Variants in ZFP36L2 observed in about 807,000 individuals in gnomAD.
The protein encoded by ZFP36L2 is ZFP36 like 2 zinc finger CCCH-type, also known as mRNA decay activator protein ZFP36L2.
In ZFP36L2, 16 loss-of-function variants were observed where a neutral mutation model predicts 27.9. That is an observed-to-expected ratio of 0.57 (90% CI 0.39 to 0.87). ZFP36L2 has a LOEUF of 0.87. ZFP36L2 is among the 40% of genes least tolerant of loss of function. The pLI is 0.00. For missense variants in ZFP36L2, 989 were observed against 726.9 expected (o/e 1.36, Z -4.15); for synonymous variants, 600 against 363.8 (o/e 1.65, Z -7.39).
chr2:43,226,310 C>G lies in ZFP36L2; in HGVS notation c.6G>C (p.Ser2=). The G allele has an allele frequency of 1.3e-6, 2 of 1,584,750 alleles. No homozygotes were observed. Among genetic ancestry groups the G allele is most frequent in the South Asian group, 1.1e-5 (1 of 87,486 alleles). ...CGTAGAAGGCGGACAGAAGTGTGGTCGACATGTTTCTGGATCCCGCAGTGG... is the reference window on the plus strand; with the variant it reads ...CGTAGAAGGCGGACAGAAGTGTGGTGGACATGTTTCTGGATCCCGCAGTGG... M[S]TTLLSAFYDV... is the part of the protein sequence containing the mutation. Residue 2 remains serine (S), a synonymous_variant, in exon 1 of 2, where the codon TCG becomes TCC. Coordinates refer to ENST00000282388, the MANE Select transcript of ZFP36L2 (RefSeq NM_006887.5).
rs908036650 is a variant in ZFP36L2 at position 43,223,099 on chromosome 2, T to G, written c.*1220A>C. 6.6e-6 allele frequency: 1 copy of G among 152,344 alleles called. No individual in the cohort carries two copies. Among genetic ancestry groups the G allele is most frequent in the African/African-American group, 2.4e-5 (1 of 41,446 alleles). 9.4% of individuals were successfully genotyped at this position (152,344 alleles called of 1,614,324 possible). The stretch of plus-strand genomic sequence containing the variant: ...TTTGAAGTTGGATGGGCTACAACCT[T>G]TATACATTCTAAGAAAACTCATAGG... On this transcript the variant is annotated 3_prime_UTR_variant, in exon 2 of 2. Coordinates refer to ENST00000282388, the MANE Select transcript of ZFP36L2 (RefSeq NM_006887.5).
rs1667007290 is a variant in ZFP36L2 at position 43,223,282 on chromosome 2, C to A, written c.*1037G>T. On this transcript the variant is annotated 3_prime_UTR_variant, in exon 2 of 2. Coordinates refer to ENST00000282388, the MANE Select transcript of ZFP36L2 (RefSeq NM_006887.5). ...TTTGTACTCATTTACAATAAAATAA[C>A]CAAGTGAAGTTACAAAAGGCATATA... The A allele has an allele frequency of 6.6e-6, 1 of 152,084 alleles. No homozygotes were observed. Among genetic ancestry groups the A allele is most frequent in the Non-Finnish European group, 1.5e-5 (1 of 67,980 alleles). 9.4% of individuals were successfully genotyped at this position (152,084 alleles called of 1,614,324 possible).
rs1048263875 is a variant in ZFP36L2, at chr2:43,222,545, C to T, written c.*1774G>A. ...TTATCTTGTTACATTCAAAAACCTA[C>T]TTCTGTCCAAAGTAGTCCAGAGAGT... On this transcript the variant is annotated 3_prime_UTR_variant, in exon 2 of 2. Coordinates refer to ENST00000282388, the MANE Select transcript of ZFP36L2 (RefSeq NM_006887.5). The T allele has an allele frequency of 6.6e-6, 1 of 152,338 alleles. No homozygotes were observed. Among genetic ancestry groups the T allele is most frequent in the Admixed American group, 6.5e-5 (1 of 15,290 alleles). The allele number at this position is 152,338 out of a possible 1,614,324, so 9.4% of individuals were successfully genotyped here. A position where few individuals can be genotyped will look rare whatever the true frequency, so the allele number is the denominator to read the frequency against.
chr2:43,224,931 G>GGGC lies in ZFP36L2; in HGVS notation c.870_872dup (p.Pro291dup), dbSNP rs773405349. On this transcript the variant is annotated inframe_insertion, in exon 2 of 2. Coordinates refer to ENST00000282388, the MANE Select transcript of ZFP36L2 (RefSeq NM_006887.5). The stretch of plus-strand genomic sequence containing the variant: ...AGCAGGACGAGGCCGAAGAGCAGGA[G>GGGC]GGCGGCGGCGGCGTGCGCGACGTGG... The GGGC allele has an allele frequency of 1.4e-4, 215 of 1,550,428 alleles. 1 individual carries two copies. The East Asian group carries it at 4.8e-3, about 34-fold the overall frequency.
rs1238436820 is a variant in ZFP36L2, at chr2:43,224,798, C to G, written c.1006G>C (p.Gly336Arg). Residue 336 changes from glycine to arginine, a missense_variant, in exon 2 of 2, where the codon GGC (glycine) becomes CGC (arginine). Coordinates refer to ENST00000282388, the MANE Select transcript of ZFP36L2 (RefSeq NM_006887.5). ...AAAAAAALLY[G>R]TGGAEDLLAP... is the part of the protein sequence containing the mutation. The stretch of plus-strand genomic sequence containing the variant: ...AGCAGGTCCTCGGCGCCCCCGGTGC[C>G]GTACAGCAGAGCGGCCGCAGCCGCG... 2.1e-6 allele frequency: 3 copies of G among 1,432,374 alleles called. No individual in the cohort carries two copies. Among genetic ancestry groups the G allele is most frequent in the East Asian group, 2.9e-5 (1 of 34,000 alleles). The allele number at this position is 1,432,374 out of a possible 1,614,324, so 88.7% of individuals were successfully genotyped here. A position where few individuals can be genotyped will look rare whatever the true frequency, so the allele number is the denominator to read the frequency against.
rs763225227 is a variant in ZFP36L2, at chr2:43,224,724, G to C, written c.1080C>G (p.Asn360Lys). Residue 360 changes from asparagine (N) to lysine (K), a missense_variant, in exon 2 of 2, where the codon AAC becomes AAG. By Grantham distance (94) the Asn-to-Lys change is moderately conservative. Transcript: ENST00000282388. Reference protein sequence around the residue: ...CAACSSASCANNAFAFGPELS... With the variant: ...CAACSSASCAKNAFAFGPELS... ...GCTCCGGACCGAAGGCGAAGGCGTT[G>C]TTGGCGCACGAGGCCGACGAGCAGG... 6 of 1,529,872 alleles carry C rather than the reference G, an allele frequency of 3.9e-6. No homozygotes were observed. In the South Asian group the frequency reaches 7.1e-5, roughly 18 times the overall value. The allele number at this position is 1,529,872 out of a possible 1,614,324, so 94.8% of individuals were successfully genotyped here.
In ZFP36L2 at chr2:43,225,509, C is replaced by A. The variant is rs758642252; in HGVS notation, c.295G>T (p.Gly99Cys). 1.2e-6 allele frequency: 2 copies of A among 1,602,484 alleles called. No homozygotes were observed. The highest frequency in any genetic ancestry group is 1.7e-6 in the Non-Finnish European group (2 of 1,176,644). Residue 99 changes from glycine to cysteine, a missense_variant, in exon 2 of 2, where the codon GGC becomes TGC. Transcript: ENST00000282388. ...SAAAGGPTSY[G>C]TLKEPSGGGG... ...CCCCCCGACGGCTCCTTAAGGGTGC[C>A]GTAGGAGGTCGGACCGCCGGCCGCC...
Position 43,224,266 on chromosome 2 carries a change from C to T in ZFP36L2, c.*53G>A. On this transcript the variant is annotated 3_prime_UTR_variant, in exon 2 of 2. Transcript: ENST00000282388. ...GCAAGGGCGAGATGGCGAGGGGTGTCCTCCAACATCTCTGAACCGCCTTCC... is the reference window on the plus strand; with the variant it reads ...GCAAGGGCGAGATGGCGAGGGGTGTTCTCCAACATCTCTGAACCGCCTTCC... The T allele has an allele frequency of 1.4e-6, 2 of 1,470,128 alleles. No individual in the cohort carries two copies. The highest frequency in any genetic ancestry group is 1.8e-6 in the Non-Finnish European group (2 of 1,111,968). 91.1% of individuals were successfully genotyped at this position (1,470,128 alleles called of 1,614,324 possible).
rs1359671635 is a variant in ZFP36L2, at chr2:43,224,814, C to T, written c.990G>A (p.Ala330=). ...TCCASAAAAA[A]AALLYGTGGA... is the part of the protein sequence containing the mutation. ...CCCCGGTGCCGTACAGCAGAGCGGC[C>T]GCAGCCGCGGCCGCCGCGGAGGCGC... Residue 330 remains alanine, a synonymous_variant, in exon 2 of 2, where the codon GCG becomes GCA. Transcript: ENST00000282388. 2.8e-6 allele frequency: 4 copies of T among 1,421,910 alleles called. No homozygotes were observed. Among genetic ancestry groups the T allele is most frequent in the South Asian group, 1.5e-5 (1 of 68,302 alleles). The allele number at this position is 1,421,910 out of a possible 1,614,324, so 88.1% of individuals were successfully genotyped here. A position where few individuals can be genotyped will look rare whatever the true frequency, so the allele number is the denominator to read the frequency against.
At position 43,226,385 on chromosome 2, in the gene ZFP36L2, C is replaced by G; in HGVS notation, c.-70G>C. The G allele has an allele frequency of 6.5e-7, 1 of 1,538,946 alleles. No homozygotes were observed. Among genetic ancestry groups the G allele is most frequent in the East Asian group, 2.5e-5 (1 of 40,560 alleles). ...GGAGGAGCCCTTGGGGCGGCGTGGC[C>G]GGGCTTGAGCCACGACGAATAACGG... On this transcript the variant is annotated 5_prime_UTR_variant, in exon 1 of 2. Coordinates refer to ENST00000282388, the MANE Select transcript of ZFP36L2 (RefSeq NM_006887.5).
rs750405213 is a variant in ZFP36L2 at position 43,224,552 on chromosome 2, G to A, written c.1252C>T (p.Pro418Ser). The A allele has an allele frequency of 5.7e-6, 8 of 1,413,154 alleles. No homozygotes were observed. The highest frequency in any genetic ancestry group is 2.9e-5 in the Admixed American group (1 of 34,234). 87.5% of individuals were successfully genotyped at this position (1,413,154 alleles called of 1,614,324 possible). ...GAGGGAGGTGCGGCGGCCCCGGCGGGGAGGGTCGCGCTGGGCGGCGCCGGC... is the reference window on the plus strand; with the variant it reads ...GAGGGAGGTGCGGCGGCCCCGGCGGAGAGGGTCGCGCTGGGCGGCGCCGGC... The part of the protein sequence containing the change: ...QPPAPPSATL[P>S]AGAAAPPSPP... The change falls in exon 2 of 2, where the codon CCC (proline) becomes TCC (serine). Residue 418 changes from proline (P) to serine (S), a missense_variant. By Grantham distance (74) the Pro-to-Ser change is moderately conservative. Coordinates refer to ENST00000282388, the MANE Select transcript of ZFP36L2 (RefSeq NM_006887.5).
Position 43,225,360 on chromosome 2 carries a change from C to A in ZFP36L2, c.444G>T (p.Gln148His). ...QQQQKGGGGS[Q>H]INSTRYKTEL... is the part of the protein sequence containing the mutation. ...CGGTCTTGTAGCGCGTGGAGTTGAT[C>A]TGGGAGCCGCCGCCCCCCTTCTGCT... Residue 148 changes from glutamine to histidine, a missense_variant, in exon 2 of 2, where the codon CAG (glutamine) becomes CAT (histidine). Coordinates refer to ENST00000282388, the MANE Select transcript of ZFP36L2 (RefSeq NM_006887.5). 6.2e-7 allele frequency: 1 copy of A among 1,613,484 alleles called. No individual in the cohort carries two copies. The highest frequency in any genetic ancestry group is 8.5e-7 in the Non-Finnish European group (1 of 1,179,986).
In ZFP36L2 at chr2:43,226,515, A is replaced by G. The variant is rs1488635076; in HGVS notation, c.-200T>C. 2.8e-5 allele frequency: 17 copies of G among 608,800 alleles called. No individual in the cohort carries two copies. The highest frequency in any genetic ancestry group is 4.7e-5 in the Non-Finnish European group (17 of 363,914). The allele number at this position is 608,800 out of a possible 1,614,324, so 37.7% of individuals were successfully genotyped here. A position where few individuals can be genotyped will look rare whatever the true frequency, so the allele number is the denominator to read the frequency against. On this transcript the variant is annotated 5_prime_UTR_variant, in exon 1 of 2. Coordinates refer to ENST00000282388, the MANE Select transcript of ZFP36L2 (RefSeq NM_006887.5). ...GTCCGGCGGAGTGCGGCAGGGGGGA[A>G]GGAGAGAAGCGAGGAGCGCTCCTCC...
In ZFP36L2 at chr2:43,226,472, G is replaced by A; in HGVS notation, c.-157C>T. On this transcript the variant is annotated 5_prime_UTR_variant, in exon 1 of 2. Coordinates refer to ENST00000282388, the MANE Select transcript of ZFP36L2 (RefSeq NM_006887.5). ...GCGAGAGGAGAGGGCGAGTGCAGCG[G>A]CGCGGGCCGGCGGGAGGGTCCGGCG... 2.2e-6 allele frequency: 2 copies of A among 913,526 alleles called. No homozygotes were observed. The highest frequency in any genetic ancestry group is 3.3e-6 in the Non-Finnish European group (2 of 599,630). 56.6% of individuals were successfully genotyped at this position (913,526 alleles called of 1,614,324 possible). A position where few individuals can be genotyped will look rare whatever the true frequency, so the allele number is the denominator to read the frequency against.
In ZFP36L2 at chr2:43,224,045, TTG is replaced by T. The variant is rs199657841; in HGVS notation, c.*272_*273del. 3.4e-3 allele frequency: 1,252 copies of T among 363,812 alleles called. 13 individuals carry two copies. Among genetic ancestry groups the T allele is most frequent in the African/African-American group, 0.024 (1,130 of 47,582 alleles). The allele number at this position is 363,812 out of a possible 1,614,324, so 22.5% of individuals were successfully genotyped here. A position where few individuals can be genotyped will look rare whatever the true frequency, so the allele number is the denominator to read the frequency against. On this transcript the variant is annotated 3_prime_UTR_variant, in exon 2 of 2. Coordinates refer to ENST00000282388, the MANE Select transcript of ZFP36L2 (RefSeq NM_006887.5). ...TCACAACTGCCCTGTTGTGAATATT[TTG>T]TTCAACAGAAAAAGTTCGACTTTTT...
In ZFP36L2 at chr2:43,224,520, G is replaced by A. The variant is rs1489645132; in HGVS notation, c.1284C>T (p.Pro428=). ...PAGAAAPPSP[P]FSFQLPRRLS... is the part of the protein sequence containing the mutation. The stretch of plus-strand genomic sequence containing the variant: ...GGCGGCGCGGCAGCTGGAAGCTGAA[G>A]GGCGGCGAGGGAGGTGCGGCGGCCC... Residue 428 remains proline (P), a synonymous_variant, in exon 2 of 2, where the codon CCC becomes CCT. Transcript: ENST00000282388. The A allele has an allele frequency of 3.4e-6, 5 of 1,476,790 alleles. No individual in the cohort carries two copies. The highest frequency in any genetic ancestry group is 3.0e-5 in the East Asian group (1 of 33,542). The allele number at this position is 1,476,790 out of a possible 1,614,324, so 91.5% of individuals were successfully genotyped here.
In ZFP36L2 at chr2:43,224,985, G is replaced by A; in HGVS notation, c.819C>T (p.Gly273=). The A allele has an allele frequency of 6.3e-7, 1 of 1,583,566 alleles. No individual in the cohort carries two copies. The highest frequency in any genetic ancestry group is 8.5e-7 in the Non-Finnish European group (1 of 1,175,320). Residue 273 remains glycine (G), a synonymous_variant, in exon 2 of 2, where the codon GGC becomes GGT. Transcript: ENST00000282388. ...TGTCGAGCAGCAGCGGCGACTCGAGGCCGCCCGGGGGCTGATGGTGGCCCG... is the reference window on the plus strand; with the variant it reads ...TGTCGAGCAGCAGCGGCGACTCGAGACCGCCCGGGGGCTGATGGTGGCCCG... ...FPSGHHQPPG[G]LESPLLLDSP...
In ZFP36L2 at chr2:43,224,931, G is replaced by A. The variant is rs1340165898; in HGVS notation, c.873C>T (p.Pro291=). Residue 291 remains proline, a synonymous_variant, in exon 2 of 2, where the codon CCC becomes CCT. Transcript: ENST00000282388. ...AGCAGGACGAGGCCGAAGAGCAGGA[G>A]GGCGGCGGCGGCGTGCGCGACGTGG... ...DSPTSRTPPP[P]SCSSASSCSS... 3 of 1,550,320 alleles carry A rather than the reference G, an allele frequency of 1.9e-6. No homozygotes were observed. The highest frequency in any genetic ancestry group is 1.2e-5 in the South Asian group (1 of 85,300).
Position 43,225,350 on chromosome 2 carries a change from T to A in ZFP36L2, c.454A>T (p.Thr152Ser). ...CGGCACAGCTCGGTCTTGTAGCGCGTGGAGTTGATCTGGGAGCCGCCGCCC... is the reference window on the plus strand; with the variant it reads ...CGGCACAGCTCGGTCTTGTAGCGCGAGGAGTTGATCTGGGAGCCGCCGCCC... ...KGGGGSQINS[T>S]RYKTELCRPF... is the part of the protein sequence containing the mutation. Residue 152 changes from threonine (T) to serine (S), a missense_variant, in exon 2 of 2, where the codon ACG (threonine) becomes TCG (serine). Transcript: ENST00000282388. 1 of 1,613,442 alleles carries A rather than the reference T, an allele frequency of 6.2e-7. No homozygotes were observed. Among genetic ancestry groups the A allele is most frequent in the Non-Finnish European group, 8.5e-7 (1 of 1,179,962 alleles).
Sources: gnomAD v4.1 joint callset for allele counts on GRCh38, gnomAD v4.1.1 for gene constraint, MANE v1.5 for transcripts, NCBI Gene and HGNC (gene_info 2026-07-23, HGNC 2026-07-21) for gene names.